GALNT14: variants seen among roughly 807,000 people sequenced by gnomAD.
GALNT14 encodes UDP-GalNAc:polypeptide N-acetylgalactosaminyltransferase 14.
A neutral mutation model predicts 77.5 loss-of-function variants in GALNT14; 60 were observed. The ratio of observed to expected loss-of-function variants is 0.77; its 90% CI spans 0.63 to 0.96. The LOEUF (loss-of-function observed/expected upper bound fraction) is 0.96. Among genes scored for constraint, GALNT14 ranks in the 40% least tolerant of loss-of-function variants. The pLI, the probability that GALNT14 is intolerant of heterozygous loss-of-function variation, is 0.00. For synonymous variants in GALNT14, 280 were observed against 281.7 expected (o/e 0.99, Z 0.06); for missense variants, 710 against 731.0 (o/e 0.97, Z 0.33).
At chr2:31,070,594 A>G (rs537871045) in intron 1 of GALNT14, among the ~76,000 whole-genome samples, 112 of 152,374 alleles carry the variant, frequency 7.4e-4, no homozygotes, top group East Asian at 2.7e-3. Flanking sequence ...GGCAGCTGAC[A>G]GCCAGGAGCC....
chr2:31,122,839 G>A (rs1558583299), intron 1 of GALNT14, among the ~76,000 whole-genome samples: 1 of 152,114 alleles, frequency 6.6e-6, no homozygotes, highest in Non-Finnish European at 1.5e-5. Context: ...CTTGGCCATT[G>A]TAGCCTAAAA....
At chr2:30,929,654 C>G (rs1274673924) in intron 10 of GALNT14, among the ~76,000 whole-genome samples, 167 bp from the exon 11 acceptor site, 1 of 152,200 alleles carries the variant, frequency 6.6e-6, no homozygotes, top group Non-Finnish European at 1.5e-5. Context: ...TGAGCCCAGC[C>G]AAGCCCCACC....
chr2:31,023,442 C>T (rs955627273), intron 1 of GALNT14, among the ~76,000 whole-genome samples: 29 of 152,032 alleles, frequency 1.9e-4, no homozygotes, highest in African/African-American at 6.0e-4. Context: ...AGCATACATG[C>T]GGTGAATTTC....
chr2:31,034,769 T>C (rs1672609257), intron 1 of GALNT14, among the ~76,000 whole-genome samples: 1 of 152,218 alleles, frequency 6.6e-6, no homozygotes, highest in Non-Finnish European at 1.5e-5. Flanking sequence ...TTTAGCTGCA[T>C]CTCATAAATT....
intron 3 of GALNT14, among the ~76,000 whole-genome samples, chr2:30,963,718 G>A (rs1325167259): frequency 2.0e-5 from 3 of 152,136 alleles, no homozygotes; most frequent in Non-Finnish European, 4.4e-5. Flanking sequence ...ATGCCCCAGG[G>A]TCACACAGCT....
At chr2:31,032,676 C>G (rs189971034) in intron 1 of GALNT14, among the ~76,000 whole-genome samples, 5 of 152,166 alleles carry the variant, frequency 3.3e-5, no homozygotes. Context: ...CCACATACCC[C>G]CTCTTTCCCA....
chr2:30,910,613 A>G lies in GALNT14; in HGVS notation c.*288T>C. 1 of 326,806 alleles carries G rather than the reference A, an allele frequency of 3.1e-6. No individual in the cohort carries two copies. The highest frequency in any genetic ancestry group is 5.6e-6 in the Non-Finnish European group (1 of 180,014). The allele number at this position is 326,806 out of a possible 1,614,324, so 20.2% of individuals were successfully genotyped here. The stretch of plus-strand genomic sequence containing the variant: ...TTCCTTTGTAGGAAAAGGAACAATA[A>G]ACACTTCCCATTAGGTTTCTGTCTC... On this transcript the variant is annotated 3_prime_UTR_variant, in exon 15 of 15. Coordinates refer to ENST00000349752, the MANE Select transcript of GALNT14 (RefSeq NM_024572.4).
Position 30,910,871 on chromosome 2 carries a change from C to T in GALNT14, c.*30G>A, listed in dbSNP as rs776911563. The T allele has an allele frequency of 2.5e-6, 4 of 1,610,048 alleles. No homozygotes were observed. In the South Asian group the frequency reaches 3.3e-5, roughly 13 times the overall value. ...GTTCTGGTCCAGGGAAGCACCACCCCATGGCCCTTGCTGCTTCTGGCAGGG... is the reference window on the plus strand; with the variant it reads ...GTTCTGGTCCAGGGAAGCACCACCCTATGGCCCTTGCTGCTTCTGGCAGGG... On this transcript the variant is annotated 3_prime_UTR_variant, in exon 15 of 15. Coordinates refer to ENST00000349752, the MANE Select transcript of GALNT14 (RefSeq NM_024572.4).
chr2:31,054,771 T>A (rs1674104365), intron 1 of GALNT14, among the ~76,000 whole-genome samples: 1 of 152,218 alleles, frequency 6.6e-6, no homozygotes, highest in South Asian at 2.1e-4. Flanking sequence ...TGGAATGATA[T>A]CAACTCAGCA....
At chr2:30,906,827 G>A (rs373728656), downstream of GALNT14, among the ~76,000 whole-genome samples, 7 of 152,212 alleles carry the variant, frequency 4.6e-5, no homozygotes, top group African/African-American at 1.4e-4. Flanking sequence ...CTCCTCAGCA[G>A]ATGTAAAAGA....
In GALNT14 at chr2:30,954,063, G is replaced by A. The variant is rs1266383805; in HGVS notation, c.654+1555C>T. On this transcript the variant is annotated intron_variant, in intron 6 of 14. Transcript: ENST00000349752. ...ATGACTGCCAGTAGTGATCCTAGCT[G>A]GCCACGCAGTCAGGAAAGGCTGCCT... Among the ~76,000 whole-genome samples, 8 of 152,236 alleles carry A rather than the reference G, an allele frequency of 5.3e-5. No individual in the cohort carries two copies. In the South Asian group the frequency reaches 1.7e-3, roughly 32 times the overall value.
intron 11 of GALNT14, among the ~76,000 whole-genome samples, chr2:30,928,327 C>T (rs919190981): frequency 3.3e-5 from 5 of 152,118 alleles, no homozygotes; most frequent in Admixed American, 6.5e-5. Flanking sequence ...CCATTGGTTG[C>T]CCCCAAAGAA....
intron 1 of GALNT14, among the ~76,000 whole-genome samples, chr2:31,020,533 G>A (rs1347112876): frequency 6.6e-6 from 1 of 152,156 alleles, no homozygotes; most frequent in East Asian, 1.9e-4. Context: ...ATCACATAAG[G>A]ATGGGCTTAT....
intron 1 of GALNT14, among the ~76,000 whole-genome samples, chr2:31,011,217 G>C (rs897916995): frequency 2.6e-5 from 4 of 152,220 alleles, no homozygotes; most frequent in Non-Finnish European, 5.9e-5. Flanking sequence ...GCAAAACTGT[G>C]ATGCCATTTT....
intron 1 of GALNT14, among the ~76,000 whole-genome samples, chr2:31,052,123 C>A (rs1673909796): frequency 6.6e-6 from 1 of 152,108 alleles, no homozygotes; most frequent in Admixed American, 6.5e-5. Flanking sequence ...TGAGGCATCC[C>A]TTCACCTGAA....
intron 1 of GALNT14, among the ~76,000 whole-genome samples, chr2:31,115,244 C>G (rs1209039700): frequency 6.6e-6 from 1 of 151,726 alleles, no homozygotes; most frequent in East Asian, 1.9e-4. Flanking sequence ...GAGCAAGACC[C>G]TGTTTCAAAA....
chr2:30,973,232 T>C (rs1342153300), intron 2 of GALNT14, among the ~76,000 whole-genome samples: 1 of 152,180 alleles, frequency 6.6e-6, no homozygotes, highest in East Asian at 1.9e-4. Context: ...CAGGTGCAGG[T>C]GGCGTAGGCA....
At chr2:30,977,092 C>CTTTTTTTTTTTTTTTTTTTTTTTTTTT (rs11314175) in intron 2 of GALNT14, among the ~76,000 whole-genome samples, 29 of 135,098 alleles carry the variant, frequency 2.1e-4, no homozygotes, top group African/African-American at 7.4e-4. Flanking sequence ...GCTTTTCTGT[C>CTTTTTTTTTTTTTTTTTTTTTTTTTTT]TTTTTTTTTT....
At chr2:30,927,105 C>T (rs879832466) in intron 11 of GALNT14, among the ~76,000 whole-genome samples, 7 of 152,124 alleles carry the variant, frequency 4.6e-5, no homozygotes, top group East Asian at 3.9e-4. Flanking sequence ...TGGAGGCACC[C>T]GGAGGGCAAA....
Sources: allele counts gnomAD v4.1 joint callset (sites outside exome capture counted in the v4.1 genomes callset), GRCh38; gene constraint gnomAD v4.1.1; transcripts MANE v1.5; gene names NCBI Gene and HGNC (gene_info 2026-07-23, HGNC 2026-07-21).